Variants in ANTXR1 observed in about 807,000 individuals in gnomAD.
ANTXR1 encodes the protein ANTXR cell adhesion molecule 1, also known as anthrax toxin receptor 1.
In ANTXR1, 19 loss-of-function variants were observed where a neutral mutation model predicts 78.1. That is an observed-to-expected ratio of 0.24 (90% CI 0.17 to 0.36). The LOEUF (loss-of-function observed/expected upper bound fraction) is 0.36, where lower values mean the gene tolerates loss of function less well. Ranked by LOEUF, ANTXR1 falls within the 10% of genes least tolerant of loss-of-function variation. The pLI is 1.00. For synonymous variants in ANTXR1, 273 were observed against 260.5 expected (o/e 1.05, Z -0.46); for missense variants, 518 against 718.6 (o/e 0.72, Z 3.19).
In ANTXR1 at chr2:69,245,559, G is replaced by A. The variant is rs1676003501; in HGVS notation, c.*74G>A. 17 of 1,585,296 alleles carry A rather than the reference G, an allele frequency of 1.1e-5. No individual in the cohort carries two copies. Among genetic ancestry groups the A allele is most frequent in the Non-Finnish European group, 1.5e-5 (17 of 1,169,244 alleles). On this transcript the variant is annotated 3_prime_UTR_variant, in exon 18 of 18. Transcript: ENST00000303714. The stretch of plus-strand genomic sequence containing the variant: ...AGAACAAGTCTTTCCAGTTAGAGAA[G>A]AGGAGTGGTGATAAAGCCCACTGAC...
At chr2:69,174,221 G>T (rs569906758) in intron 14 of ANTXR1, among the ~76,000 whole-genome samples, 2 of 152,338 alleles carry the variant, frequency 1.3e-5, no homozygotes, top group South Asian at 2.1e-4. Flanking sequence ...AGAGGTAAAA[G>T]GTATGTAAGT....
chr2:69,049,112 C>G (rs1031242304), intron 3 of ANTXR1, among the ~76,000 whole-genome samples: 1 of 151,960 alleles, frequency 6.6e-6, no homozygotes, highest in Non-Finnish European at 1.5e-5. Flanking sequence ...ACTGGTGAAC[C>G]TATAGTTTGT....
chr2:69,151,140 CATTATT>C lies in ANTXR1; in HGVS notation c.952-1014_952-1009del, dbSNP rs200419533. 7.1e-5 allele frequency among the ~76,000 whole-genome samples: 10 copies of C among 141,296 alleles called. 1 individual carries two copies. The South Asian group carries it at 1.4e-3, about 20-fold the overall frequency. The allele number at this position is 141,296 out of a possible 152,430, so 92.7% of individuals were successfully genotyped here. On this transcript the variant is annotated intron_variant, in intron 12 of 17. Coordinates refer to ENST00000303714, the MANE Select transcript of ANTXR1 (RefSeq NM_032208.3). Reference sequence around the variant, plus strand: ...CCCAATTGTTAACCATTTATGTTTTCATTATTATTATTATTATTATCTGTACAAACA... The same window carrying C: ...CCCAATTGTTAACCATTTATGTTTTCATTATTATTATTATCTGTACAAACA...
At chr2:69,151,656 C>A (rs955906870) in intron 12 of ANTXR1, among the ~76,000 whole-genome samples, 1 of 152,174 alleles carries the variant, frequency 6.6e-6, no homozygotes, top group Non-Finnish European at 1.5e-5. Context: ...CCCCTGGATT[C>A]ACAGACCCTA....
intron 10 of ANTXR1, among the ~76,000 whole-genome samples, chr2:69,116,272 G>T (rs781597192): frequency 1.3e-5 from 2 of 152,158 alleles, no homozygotes; most frequent in Non-Finnish European, 1.5e-5. Context: ...TTATCAATGA[G>T]GCAGCCCCAG....
intron 17 of ANTXR1, among the ~76,000 whole-genome samples, chr2:69,243,653 T>TC (rs1283456254): frequency 6.6e-6 from 1 of 152,120 alleles, no homozygotes; most frequent in East Asian, 1.9e-4. Context: ...CAGCAATTGT[T>TC]CCCCAAATTC....
At chr2:69,100,078 G>GA (rs1247885968) in intron 9 of ANTXR1, among the ~76,000 whole-genome samples, 2 of 152,176 alleles carry the variant, frequency 1.3e-5, no homozygotes, top group Non-Finnish European at 2.9e-5. Context: ...CTTCTTATAG[G>GA]AGCTGTAAGC....
At chr2:69,019,646 T>C (rs139744076) in intron 1 of ANTXR1, among the ~76,000 whole-genome samples, 87 of 152,276 alleles carry the variant, frequency 5.7e-4, no homozygotes, top group African/African-American at 2.0e-3. Flanking sequence ...GAATGTGTCA[T>C]GGAGTTTTGT....
intron 3 of ANTXR1, among the ~76,000 whole-genome samples, chr2:69,068,912 T>C (rs1459246942): frequency 2.6e-5 from 4 of 152,152 alleles, no homozygotes; most frequent in Non-Finnish European, 4.4e-5. Flanking sequence ...ACTAACAGAA[T>C]GTGATGATGG....
chr2:69,013,430 T>G lies in ANTXR1; in HGVS notation c.-70T>G. The G allele has an allele frequency of 6.4e-7, 1 of 1,562,974 alleles. No homozygotes were observed. Among genetic ancestry groups the G allele is most frequent in the South Asian group, 1.2e-5 (1 of 85,228 alleles). ...CGAGGAAGGGCCCGCGGATGGCGCG[T>G]CCCTGAGGGTCGTGGCGAGTTCGCG... is the stretch of plus-strand genomic sequence containing the variant. On this transcript the variant is annotated 5_prime_UTR_variant, in exon 1 of 18. Transcript: ENST00000303714. This position sits in a 1 kb window ranked among gnomAD's most constrained non-coding sequence, Gnocchi z 5.0.
chr2:69,110,935 G>C (rs1671962107), intron 10 of ANTXR1, among the ~76,000 whole-genome samples: 1 of 152,114 alleles, frequency 6.6e-6, no homozygotes. Flanking sequence ...TGCAGACAGA[G>C]ACTGGAAAGA....
chr2:69,111,403 C>T (rs148292966), intron 10 of ANTXR1, among the ~76,000 whole-genome samples: 2 of 152,258 alleles, frequency 1.3e-5, no homozygotes, highest in East Asian at 3.9e-4. Context: ...GGATGTTTTA[C>T]TAATGCAATA....
chr2:69,180,173 C>T (rs1011313245), intron 14 of ANTXR1, among the ~76,000 whole-genome samples: 2 of 152,246 alleles, frequency 1.3e-5, no homozygotes, highest in African/African-American at 4.8e-5. Flanking sequence ...TTGTCCTGAC[C>T]TCTCCTGCCT....
chr2:69,212,914 C>G (rs937017084), intron 17 of ANTXR1, among the ~76,000 whole-genome samples: 1 of 150,478 alleles, frequency 6.6e-6, no homozygotes, highest in African/African-American at 2.5e-5. Flanking sequence ...TCAAGTGACC[C>G]TCTCACCTCA....
intron 17 of ANTXR1, among the ~76,000 whole-genome samples, chr2:69,203,385 T>C (rs1314302609): frequency 2.0e-5 from 3 of 152,214 alleles, no homozygotes; most frequent in African/African-American, 7.2e-5. Flanking sequence ...GGGACATGAG[T>C]ACTTAGAATT....
chr2:69,139,654 T>A (rs1411349041), intron 12 of ANTXR1, among the ~76,000 whole-genome samples: 1 of 152,162 alleles, frequency 6.6e-6, no homozygotes, highest in Non-Finnish European at 1.5e-5. Flanking sequence ...TCTATCTTTT[T>A]GAGGCACCAC....
intron 12 of ANTXR1, among the ~76,000 whole-genome samples, chr2:69,136,866 T>C (rs1672921188): frequency 1.3e-5 from 2 of 152,120 alleles, no homozygotes; most frequent in Non-Finnish European, 2.9e-5. Context: ...TAGACATGTA[T>C]AGAAAGAACT....
rs1673222485 is a variant in ANTXR1, at chr2:69,146,221, A to T, written c.952-5948A>T. The T allele has an allele frequency of 4.1e-6, 4 of 985,336 alleles. No homozygotes were observed. The South Asian group carries it at 1.9e-4, about 46-fold the overall frequency. The allele number at this position is 985,336 out of a possible 1,614,324, so 61.0% of individuals were successfully genotyped here. A position where few individuals can be genotyped will look rare whatever the true frequency, so the allele number is the denominator to read the frequency against. ...AACTATTCATTGAAGAAAATGGATG[A>T]TCCCCCAACAGGAAGATGCAACCCC... is the stretch of plus-strand genomic sequence containing the variant. On this transcript the variant is annotated intron_variant, in intron 12 of 17. Coordinates refer to ENST00000303714, the MANE Select transcript of ANTXR1 (RefSeq NM_032208.3).
chr2:69,050,962 T>A (rs531029820), intron 3 of ANTXR1, among the ~76,000 whole-genome samples: 7 of 152,140 alleles, frequency 4.6e-5, no homozygotes, highest in Non-Finnish European at 8.8e-5. Flanking sequence ...CTTCTGCTTC[T>A]TATATTGCAA....
Sources: gnomAD v4.1 joint callset for allele counts (sites outside exome capture counted in the v4.1 genomes callset) on GRCh38, gnomAD v4.1.1 for gene constraint, Gnocchi (gnomAD v3.1) non-coding constraint, MANE v1.5 for transcripts, NCBI Gene and HGNC (gene_info 2026-07-23, HGNC 2026-07-21) for gene names.